The following SHROOM3 variants were observed in gnomAD, a reference collection of about 807,000 sequenced individuals.
The protein encoded by SHROOM3 is protein Shroom3.
SHROOM3 carries 47 observed loss-of-function variants against 138.6 expected under a neutral mutation model. The observed-to-expected ratio is 0.34, with a 90% CI of 0.27 to 0.43. SHROOM3 has a LOEUF of 0.43. SHROOM3 is among the 20% of genes least tolerant of loss of function. The pLI, the probability that SHROOM3 is intolerant of heterozygous loss-of-function variation, is 1.00. For missense variants in SHROOM3, 2,491 were observed against 2,596.5 expected, an observed-to-expected ratio of 0.96 and a Z score of 0.88; for synonymous variants, 1,062 against 1,063.3, an observed-to-expected ratio of 1.00 and a Z score of 0.02.
At chr4:76,708,353 G>T (rs1196811041) in intron 2 of SHROOM3, among the ~76,000 whole-genome samples, 1 of 149,286 alleles carries the variant, frequency 6.7e-6, no homozygotes, top group African/African-American at 2.5e-5. Flanking sequence ...AAAGAGAAAA[G>T]AGCTCAGTCT....
intron 2 of SHROOM3, among the ~76,000 whole-genome samples, chr4:76,662,727 A>T (rs1718563860): frequency 6.6e-6 from 1 of 152,202 alleles, no homozygotes; most frequent in African/African-American, 2.4e-5. Flanking sequence ...CTAAAGAAGC[A>T]TGCCTACTGT....
chr4:76,754,814 A>G lies in SHROOM3; in HGVS notation c.4331A>G (p.Glu1444Gly). The change falls in exon 7 of 11, where the codon GAG becomes GGG. Residue 1444 changes from glutamate (E) to glycine (G), a missense_variant. Glu to Gly is a moderately conservative substitution (Grantham distance 98, BLOSUM62 -2). Around this residue, in one of 4 missense-constraint regions of SHROOM3, gnomAD observed 1,733 missense variants for 1,661.6 expected, o/e 1.04. Transcript: ENST00000296043. ...GCAGCCAGAGAGGACAGCCTTCCTG[A>G]GGAATCCTCAGCCCCTGATTTTGCA... ...AHAAREDSLP[E>G]ESSAPDFANL... 1.2e-6 allele frequency: 2 copies of G among 1,614,164 alleles called. No homozygotes were observed. The highest frequency in any genetic ancestry group is 1.7e-6 in the Non-Finnish European group (2 of 1,180,026).
chr4:76,740,504 C>T lies in SHROOM3; in HGVS notation c.2331C>T (p.Pro777=). The T allele has an allele frequency of 1.2e-6, 2 of 1,613,654 alleles. No individual in the cohort carries two copies. The highest frequency in any genetic ancestry group is 1.1e-5 in the South Asian group (1 of 91,074). Residue 777 remains proline (P), a synonymous_variant, in exon 5 of 11, where the codon CCC becomes CCT. Coordinates refer to ENST00000296043, the MANE Select transcript of SHROOM3 (RefSeq NM_020859.4). This position sits in a 1 kb window ranked among gnomAD's most constrained non-coding sequence, Gnocchi z 4.0. The stretch of plus-strand genomic sequence containing the variant: ...TTCAGGGCTTTCAGTACGGGAAGCC[C>T]CACTGCTCGGTGCTGGAGAAGGTCT... ...SALQGFQYGK[P]HCSVLEKVSK...
In SHROOM3 at chr4:76,635,855, T is replaced by G. The variant is rs563052068; in HGVS notation, c.324-74301T>G. 5.9e-5 allele frequency among the ~76,000 whole-genome samples: 9 copies of G among 152,338 alleles called. No homozygotes were observed. In the East Asian group the frequency reaches 1.7e-3, roughly 29 times the overall value. ...CGCAGCAGAACTCCAGGGAAACTGC[T>G]GGCATTTGGTTTGTGCTGTCAGATC... On this transcript the variant is annotated intron_variant, in intron 2 of 10. Coordinates refer to ENST00000296043, the MANE Select transcript of SHROOM3 (RefSeq NM_020859.4).
rs1233721825 is a variant in SHROOM3 at position 76,781,632 on chromosome 4, ATATT to A, written c.*2460_*2463del. The stretch of plus-strand genomic sequence containing the variant: ...GAAATCTAATTTTTAGGTGGATGTG[ATATT>A]TATTGTAATAGGACTTGACCTCTGT... On this transcript the variant is annotated 3_prime_UTR_variant, in exon 11 of 11. Coordinates refer to ENST00000296043, the MANE Select transcript of SHROOM3 (RefSeq NM_020859.4). 2 of 152,228 alleles carry A rather than the reference ATATT, an allele frequency of 1.3e-5. No individual in the cohort carries two copies. The highest frequency in any genetic ancestry group is 2.9e-5 in the Non-Finnish European group (2 of 68,048). 9.4% of individuals were successfully genotyped at this position (152,228 alleles called of 1,614,324 possible).
chr4:76,458,830 A>T (rs1254800871), intron 1 of SHROOM3, among the ~76,000 whole-genome samples: 1 of 152,212 alleles, frequency 6.6e-6, no homozygotes, highest in Non-Finnish European at 1.5e-5. Context: ...TTTATTGGAG[A>T]CAAATTATAG....
At chr4:76,778,608 A>G (rs1227881123) in intron 10 of SHROOM3, among the ~76,000 whole-genome samples, 1 of 152,218 alleles carries the variant, frequency 6.6e-6, no homozygotes, top group Non-Finnish European at 1.5e-5. Flanking sequence ...AAGCTATCCT[A>G]TGATGTTACA....
At chr4:76,585,224 TTC>T (rs1405654081) in intron 2 of SHROOM3, among the ~76,000 whole-genome samples, 2 of 152,192 alleles carry the variant, frequency 1.3e-5, no homozygotes, top group Non-Finnish European at 2.9e-5. Context: ...CATGCTCCCT[TTC>T]TCTCTTCTTT....
chr4:76,501,921 C>T (rs1484920026), intron 1 of SHROOM3, among the ~76,000 whole-genome samples: 1 of 152,082 alleles, frequency 6.6e-6, no homozygotes, highest in Non-Finnish European at 1.5e-5. Context: ...AACGTATTTC[C>T]CTGATGCTAT....
intron 2 of SHROOM3, chr4:76,586,246 C>A: frequency 1.0e-5 from 10 of 985,618 alleles, no homozygotes; most frequent in Non-Finnish European, 1.2e-5. Flanking sequence ...GCCCAGGTTC[C>A]CAGCGGAGGT....
intron 2 of SHROOM3, among the ~76,000 whole-genome samples, chr4:76,595,320 TC>T (rs1404942156): frequency 1.3e-5 from 2 of 152,234 alleles, no homozygotes; most frequent in Admixed American, 1.3e-4. Context: ...CATTGCTCTG[TC>T]TGCAGACTGG....
rs929262419 is a variant in SHROOM3 at position 76,664,707 on chromosome 4, T to A, written c.324-45449T>A. On this transcript the variant is annotated intron_variant, in intron 2 of 10. Transcript: ENST00000296043. This position sits in a 1 kb window ranked among gnomAD's most constrained non-coding sequence, Gnocchi z 4.2. ...CAGTTTTAAGTGTATAGGTCAATAA[T>A]GTTAAGTGTATAGTTCAATAAGTTT... Among the ~76,000 whole-genome samples the A allele has an allele frequency of 6.6e-6, 1 of 152,242 alleles. No homozygotes were observed. The highest frequency in any genetic ancestry group is 2.4e-5 in the African/African-American group (1 of 41,462).
chr4:76,462,210 G>A lies in SHROOM3; in HGVS notation c.168+25990G>A, dbSNP rs140235681. 4.1e-3 allele frequency among the ~76,000 whole-genome samples: 628 copies of A among 152,176 alleles called. 5 individuals are homozygous for A. The highest frequency in any genetic ancestry group is 0.014 in the African/African-American group (576 of 41,516). On this transcript the variant is annotated intron_variant, in intron 1 of 10. Coordinates refer to ENST00000296043, the MANE Select transcript of SHROOM3 (RefSeq NM_020859.4). ...TCAAGACCAGCCTGGCCAACATGGTGAAACCCTGTCTCTACTAAACATACA... is the reference window on the plus strand; with the variant it reads ...TCAAGACCAGCCTGGCCAACATGGTAAAACCCTGTCTCTACTAAACATACA...
chr4:76,733,416 C>T (rs1720939775), intron 4 of SHROOM3, among the ~76,000 whole-genome samples: 1 of 152,186 alleles, frequency 6.6e-6, no homozygotes, highest in African/African-American at 2.4e-5. Context: ...TAAGGACCAT[C>T]AGCACAAAAG....
intron 9 of SHROOM3, among the ~76,000 whole-genome samples, chr4:76,765,588 T>C (rs1722128131): frequency 6.6e-6 from 1 of 152,116 alleles, no homozygotes; most frequent in Non-Finnish European, 1.5e-5. Flanking sequence ...CCTGAATTAC[T>C]CTTAAGACGG....
intron 1 of SHROOM3, among the ~76,000 whole-genome samples, chr4:76,524,195 TCAG>T (rs1732630985): frequency 6.6e-6 from 1 of 151,572 alleles, no homozygotes; most frequent in Non-Finnish European, 1.5e-5. Context: ...GGAAGAAGAG[TCAG>T]CAGATGGGGC....
chr4:76,740,616 G>A lies in SHROOM3; in HGVS notation c.2443G>A (p.Val815Ile), dbSNP rs375365747. 2.2e-5 allele frequency: 35 copies of A among 1,614,044 alleles called. No individual in the cohort carries two copies. The highest frequency in any genetic ancestry group is 2.9e-5 in the Non-Finnish European group (34 of 1,180,030). Residue 815 changes from valine to isoleucine, a missense_variant, in exon 5 of 11, where the codon GTC becomes ATC. Physicochemically the swap from Val to Ile is conservative, Grantham distance 29 (BLOSUM62 3). Around this residue, in one of 4 missense-constraint regions of SHROOM3, gnomAD observed 1,733 missense variants for 1,661.6 expected, o/e 1.04. Coordinates refer to ENST00000296043, the MANE Select transcript of SHROOM3 (RefSeq NM_020859.4). The surrounding 1 kb of genome is among the most constrained non-coding windows in gnomAD (Gnocchi z 4.0). Reference sequence around the variant, plus strand: ...CCATAACTATAGGCCCCACAGGACCGTCTCAACTTCCAGTACTTCTGGGAA... The same window carrying A: ...CCATAACTATAGGCCCCACAGGACCATCTCAACTTCCAGTACTTCTGGGAA... ...FGHNYRPHRT[V>I]STSSTSGNDF...
At chr4:76,604,343 T>C (rs926313855) in intron 2 of SHROOM3, among the ~76,000 whole-genome samples, 1 of 152,248 alleles carries the variant, frequency 6.6e-6, no homozygotes, top group African/African-American at 2.4e-5. Context: ...TTGTATAATA[T>C]TTATTGTTCC....
chr4:76,765,799 A>G lies in SHROOM3; in HGVS notation c.5350-4827A>G, dbSNP rs1722135554. ...TCATATTTTCCAAAGTGATTGCACC[A>G]GCCTTCAACTCTTCAAATTTCTGGC... On this transcript the variant is annotated intron_variant, in intron 9 of 10. Coordinates refer to ENST00000296043, the MANE Select transcript of SHROOM3 (RefSeq NM_020859.4). Among the ~76,000 whole-genome samples the G allele has an allele frequency of 2.0e-5, 3 of 152,262 alleles. No homozygotes were observed. The South Asian group carries it at 6.2e-4, about 31-fold the overall frequency.
Sources: gnomAD v4.1 joint callset for allele counts (sites outside exome capture counted in the v4.1 genomes callset) on GRCh38, gnomAD v4.1.1 for gene constraint, gnomAD v4.1.1 regional missense constraint, Gnocchi (gnomAD v3.1) non-coding constraint, MANE v1.5 for transcripts, NCBI Gene and HGNC (gene_info 2026-07-23, HGNC 2026-07-21) for gene names.